The following JAKMIP1 variants were observed in gnomAD, a reference collection of about 807,000 sequenced individuals.
JAKMIP1 encodes janus kinase and microtubule interacting protein 1.
Under a neutral mutation model 113.0 loss-of-function variants are expected in JAKMIP1, and 33 were observed. That is an observed-to-expected ratio of 0.29 (90% CI 0.22 to 0.39). JAKMIP1 has a LOEUF of 0.39. Ranked by LOEUF, JAKMIP1 falls within the 10% of genes least tolerant of loss-of-function variation. The pLI is 1.00. For synonymous variants in JAKMIP1, 480 were observed against 459.9 expected (o/e 1.04, Z -0.56); for missense variants, 813 against 1,080.5 (o/e 0.75, Z 3.47).
intron 1 of JAKMIP1, among the ~76,000 whole-genome samples, chr4:6,127,205 A>C (rs1419755947): frequency 6.6e-6 from 1 of 152,154 alleles, no homozygotes; most frequent in African/African-American, 2.4e-5. Flanking sequence ...CGTCCACCTC[A>C]CTACGTGCTG....
chr4:6,044,612 G>T lies in JAKMIP1; in HGVS notation c.2029-2385C>A, dbSNP rs1361274317. ...CAGTTTTAATATCCTCATGCAAGCA[G>T]TCATAAAATGAATAAAATTAAAATG... On this transcript the variant is annotated intron_variant, in intron 16 of 20. Transcript: ENST00000409021. This position sits in a 1 kb window ranked among gnomAD's most constrained non-coding sequence, Gnocchi z 4.4. Among the ~76,000 whole-genome samples the T allele has an allele frequency of 3.9e-5, 6 of 152,022 alleles. No homozygotes were observed. The highest frequency in any genetic ancestry group is 8.8e-5 in the Non-Finnish European group (6 of 68,030).
At chr4:6,128,563 G>GA (rs145280985) in intron 1 of JAKMIP1, among the ~76,000 whole-genome samples, 55 of 151,906 alleles carry the variant, frequency 3.6e-4, no homozygotes, top group African/African-American at 1.2e-3. Flanking sequence ...TCTTCAAGTG[G>GA]AAAAAAAATG....
Position 6,188,249 on chromosome 4 carries a change from C to T in JAKMIP1, c.-148+12004G>A, listed in dbSNP as rs79541937. ...AGGCAGAATGGGGCCACTGTATTTTCGAGATCCCCTTTGTGACATGTGGTG... is the reference window on the plus strand; with the variant it reads ...AGGCAGAATGGGGCCACTGTATTTTTGAGATCCCCTTTGTGACATGTGGTG... On this transcript the variant is annotated intron_variant, in intron 1 of 20. Transcript: ENST00000409021. This position sits in a 1 kb window ranked among gnomAD's most constrained non-coding sequence, Gnocchi z 5.8. 0.048 allele frequency among the ~76,000 whole-genome samples: 7,235 copies of T among 152,234 alleles called. 211 individuals carry two copies. The highest frequency in any genetic ancestry group is 0.087 in the African/African-American group (3,630 of 41,536).
intron 1 of JAKMIP1, among the ~76,000 whole-genome samples, chr4:6,196,815 T>C (rs1008737904): frequency 2.6e-5 from 4 of 151,154 alleles, no homozygotes; most frequent in African/African-American, 9.8e-5. Context: ...GAGCCAAAAT[T>C]GTGCCATTGC....
intron 19 of JAKMIP1, among the ~76,000 whole-genome samples, chr4:6,035,668 G>A (rs1334072387): frequency 6.6e-6 from 1 of 152,262 alleles, no homozygotes; most frequent in African/African-American, 2.4e-5. Flanking sequence ...AAGGCACTTT[G>A]GTTTGGATGA....
chr4:6,043,610 C>T (rs926866540), intron 16 of JAKMIP1, among the ~76,000 whole-genome samples: 1 of 152,040 alleles, frequency 6.6e-6, no homozygotes, highest in South Asian at 2.1e-4. Flanking sequence ...TCCTTCCTTC[C>T]GTCCACTTCC....
At chr4:6,068,067 G>A (rs187967052) in intron 8 of JAKMIP1, among the ~76,000 whole-genome samples, 8 of 152,300 alleles carry the variant, frequency 5.3e-5, no homozygotes, top group East Asian at 3.9e-4. Context: ...TGGGGGCAAC[G>A]ACTCAATGCT....
At position 6,093,537 on chromosome 4, in the gene JAKMIP1, G is replaced by C. The variant is rs368407203; in HGVS notation, c.625-7908C>G. 3.3e-5 allele frequency among the ~76,000 whole-genome samples: 5 copies of C among 152,190 alleles called. No individual in the cohort carries two copies. The highest frequency in any genetic ancestry group is 1.2e-4 in the African/African-American group (5 of 41,522). ...AGTCCAGATCATGTGCTGCTTCCAA[G>C]GCTGATAACCAACCCAACGAGATGT... is the stretch of plus-strand genomic sequence containing the variant. On this transcript the variant is annotated intron_variant, in intron 3 of 20. Transcript: ENST00000409021. The surrounding 1 kb of genome is among the most constrained non-coding windows in gnomAD (Gnocchi z 4.6).
intron 1 of JAKMIP1, among the ~76,000 whole-genome samples, chr4:6,174,038 G>A (rs1725051474): frequency 6.6e-6 from 1 of 152,188 alleles, no homozygotes; most frequent in Non-Finnish European, 1.5e-5. Context: ...CACAGAGCAA[G>A]ACTCCATCTG....
Position 6,067,118 on chromosome 4 carries a change from C to T in JAKMIP1, c.1303-2110G>A, listed in dbSNP as rs896903191. On this transcript the variant is annotated intron_variant, in intron 8 of 20. Coordinates refer to ENST00000409021, the MANE Select transcript of JAKMIP1 (RefSeq NM_001099433.2). This position sits in a 1 kb window ranked among gnomAD's most constrained non-coding sequence, Gnocchi z 4.6. Reference sequence around the variant, plus strand: ...TATTCCTTTCCATAGCACATCTCCCCGCTGACGTAAGATCTGGCAAGCTAT... The same window carrying T: ...TATTCCTTTCCATAGCACATCTCCCTGCTGACGTAAGATCTGGCAAGCTAT... Among the ~76,000 whole-genome samples, 7 of 152,176 alleles carry T rather than the reference C, an allele frequency of 4.6e-5. No individual in the cohort carries two copies. The highest frequency in any genetic ancestry group is 6.5e-5 in the Admixed American group (1 of 15,278).
intron 1 of JAKMIP1, among the ~76,000 whole-genome samples, chr4:6,198,702 C>T (rs1365679079): frequency 6.6e-6 from 1 of 152,248 alleles, no homozygotes; most frequent in African/African-American, 2.4e-5. Context: ...TCAGTCTCTG[C>T]AGAGCTGCAG....
rs1726065808 is a variant in JAKMIP1 at position 6,181,882 on chromosome 4, A to G, written c.-148+18371T>C. ...GACCATGGCTGTGACAGACAGATGT[A>G]CAGGGAGGGACCCGCCCTGGCCTTG... On this transcript the variant is annotated intron_variant, in intron 1 of 20. Coordinates refer to ENST00000409021, the MANE Select transcript of JAKMIP1 (RefSeq NM_001099433.2). The surrounding 1 kb of genome is among the most constrained non-coding windows in gnomAD (Gnocchi z 5.4). Among the ~76,000 whole-genome samples, 1 of 152,104 alleles carries G rather than the reference A, an allele frequency of 6.6e-6. No individual in the cohort carries two copies. Among genetic ancestry groups the G allele is most frequent in the Non-Finnish European group, 1.5e-5 (1 of 68,014 alleles).
intron 1 of JAKMIP1, among the ~76,000 whole-genome samples, chr4:6,126,484 AAC>A (rs1042467850): frequency 5.5e-5 from 8 of 144,682 alleles, no homozygotes; most frequent in African/African-American, 1.3e-4. Context: ...ACCATGTAGA[AAC>A]ACACAAACAC....
chr4:6,121,188 A>C lies in JAKMIP1; in HGVS notation c.-147-8191T>G, dbSNP rs182838725. Among the ~76,000 whole-genome samples, 695 of 124,374 alleles carry C rather than the reference A, an allele frequency of 5.6e-3. 5 individuals carry two copies. Among genetic ancestry groups the C allele is most frequent in the African/African-American group, 0.019 (646 of 33,146 alleles). 81.6% of individuals were successfully genotyped at this position (124,374 alleles called of 152,430 possible). A position where few individuals can be genotyped will look rare whatever the true frequency, so the allele number is the denominator to read the frequency against. Reference sequence around the variant, plus strand: ...GAACTCCAGCCTGGGCAACAGAGCCAGACCTTGTCTCAAAAAAAAAAAAAA... The same window carrying C: ...GAACTCCAGCCTGGGCAACAGAGCCCGACCTTGTCTCAAAAAAAAAAAAAA... On this transcript the variant is annotated intron_variant, in intron 1 of 20. Transcript: ENST00000409021.
chr4:6,087,458 T>G (rs940849981), intron 3 of JAKMIP1, among the ~76,000 whole-genome samples: 2 of 152,222 alleles, frequency 1.3e-5, no homozygotes, highest in Non-Finnish European at 2.9e-5. Flanking sequence ...TCACTGCCAC[T>G]GTTAATCTCT....
chr4:6,125,693 C>A (rs1309318876), intron 1 of JAKMIP1, among the ~76,000 whole-genome samples: 1 of 94,596 alleles, frequency 1.1e-5, no homozygotes, highest in Non-Finnish European at 2.3e-5. Flanking sequence ...CAGAAACACA[C>A]ACGCACACCA....
rs1191000604 is a variant in JAKMIP1, at chr4:6,051,519, C to A, written c.1807-840G>T. Among the ~76,000 whole-genome samples the A allele has an allele frequency of 6.6e-6, 1 of 151,912 alleles. No individual in the cohort carries two copies. The highest frequency in any genetic ancestry group is 2.4e-5 in the African/African-American group (1 of 41,350). On this transcript the variant is annotated intron_variant, in intron 13 of 20. Transcript: ENST00000409021. The surrounding 1 kb of genome is among the most constrained non-coding windows in gnomAD (Gnocchi z 5.0). Reference sequence around the variant, plus strand: ...CCTCCCAAAGTGCTGGGATTACAGGCGTAAGCCACCTCGCCCGGCCCCAAA... The same window carrying A: ...CCTCCCAAAGTGCTGGGATTACAGGAGTAAGCCACCTCGCCCGGCCCCAAA...
At chr4:6,127,743 T>C (rs1717905761) in intron 1 of JAKMIP1, among the ~76,000 whole-genome samples, 1 of 152,166 alleles carries the variant, frequency 6.6e-6, no homozygotes, top group Non-Finnish European at 1.5e-5. Context: ...TCCCCCAGCC[T>C]CTCTCGAAAG....
chr4:6,098,023 G>C (rs781237237), intron 3 of JAKMIP1, among the ~76,000 whole-genome samples: 5 of 152,204 alleles, frequency 3.3e-5, no homozygotes, highest in Non-Finnish European at 7.3e-5. Context: ...GTGTAGTGTC[G>C]AGTTTGGAGT....
Sources: gnomAD v4.1 joint callset for allele counts (sites outside exome capture counted in the v4.1 genomes callset) on GRCh38, gnomAD v4.1.1 for gene constraint, Gnocchi (gnomAD v3.1) non-coding constraint, MANE v1.5 for transcripts, NCBI Gene and HGNC (gene_info 2026-07-23, HGNC 2026-07-21) for gene names.